The following ZFYVE28 variants were observed in gnomAD, a reference collection of about 807,000 sequenced individuals.
ZFYVE28 encodes the protein lateral signaling target protein 2 homolog.
In ZFYVE28, 40 loss-of-function variants were observed where a neutral mutation model predicts 82.1. The observed-to-expected ratio is 0.49, with a 90% CI of 0.38 to 0.63. The LOEUF is 0.63. Among genes scored for constraint, ZFYVE28 ranks in the 30% least tolerant of loss-of-function variants. The pLI, the probability that ZFYVE28 is intolerant of heterozygous loss-of-function variation, is 0.00. For synonymous variants in ZFYVE28, 612 were observed against 546.1 expected (o/e 1.12, Z -1.68); for missense variants, 1,321 against 1,242.1 (o/e 1.06, Z -0.96).
intron 9 of ZFYVE28, 137 bp downstream of exon 9, chr4:2,273,925 C>T: frequency 1.0e-6 from 1 of 988,690 alleles, no homozygotes. Context: ...AACAGGAGTG[C>T]TGGCTCCTTA....
chr4:2,273,743 C>A (rs780958478), intron 9 of ZFYVE28, among the ~76,000 whole-genome samples: 1 of 152,184 alleles, frequency 6.6e-6, no homozygotes, highest in African/African-American at 2.4e-5. Flanking sequence ...CAGCAGCCTA[C>A]GTGGCTGGGA....
chr4:2,297,649 C>T (rs149189628), intron 8 of ZFYVE28, among the ~76,000 whole-genome samples: 7 of 152,364 alleles, frequency 4.6e-5, no homozygotes, highest in Admixed American at 1.3e-4. Flanking sequence ...CAGCTGCAAG[C>T]GCAATCTGGG....
rs552801141 is a variant in ZFYVE28, at chr4:2,417,274, C to T, written c.39+1011G>A. On this transcript the variant is annotated intron_variant, in intron 1 of 12. Transcript: ENST00000290974. The surrounding 1 kb of genome is among the most constrained non-coding windows in gnomAD (Gnocchi z 4.8). ...CGCTGCGCCGGCCCCAGGGTGCCAC[C>T]CTCGGACGCCCAGATGCGCCCTGGA... Among the ~76,000 whole-genome samples, 13 of 152,292 alleles carry T rather than the reference C, an allele frequency of 8.5e-5. No homozygotes were observed. Among genetic ancestry groups the T allele is most frequent in the Admixed American group, 5.2e-4 (8 of 15,296 alleles).
intron 1 of ZFYVE28, chr4:2,364,868 T>C (rs1303841985): frequency 6.4e-5 from 63 of 985,266 alleles, no homozygotes; most frequent in Non-Finnish European, 7.2e-5. Flanking sequence ...CGCGGCAAAG[T>C]CGCGAGAGTA....
intron 1 of ZFYVE28, among the ~76,000 whole-genome samples, chr4:2,393,643 A>G (rs73072372): frequency 0.029 from 4,390 of 152,292 alleles, 244 homozygotes; most frequent in African/African-American, 0.1. Flanking sequence ...AAAGGACATC[A>G]TGCATATGCA....
At chr4:2,279,756 GACA>G (rs1711701195) in intron 8 of ZFYVE28, among the ~76,000 whole-genome samples, 1 of 148,782 alleles carries the variant, frequency 6.7e-6, no homozygotes, top group Admixed American at 6.7e-5. Flanking sequence ...ACTCCAGCCT[GACA>G]ACAGAGTGAG....
chr4:2,407,647 G>T (rs1419910763), intron 1 of ZFYVE28, among the ~76,000 whole-genome samples: 1 of 152,150 alleles, frequency 6.6e-6, no homozygotes, highest in Non-Finnish European at 1.5e-5. Context: ...CTGGAGTGTA[G>T]TGGCACGATC....
intron 1 of ZFYVE28, among the ~76,000 whole-genome samples, chr4:2,383,327 T>G (rs1728918276): frequency 6.6e-6 from 1 of 152,132 alleles, no homozygotes; most frequent in Non-Finnish European, 1.5e-5. Context: ...TCACGAGATC[T>G]GATGGTTTTA....
intron 1 of ZFYVE28, among the ~76,000 whole-genome samples, chr4:2,410,169 T>C (rs1732365057): frequency 6.6e-6 from 1 of 152,228 alleles, no homozygotes; most frequent in Non-Finnish European, 1.5e-5. Flanking sequence ...TGGCATTTAC[T>C]GCGTTCACAA....
At chr4:2,275,767 C>T (rs1736368612) in intron 8 of ZFYVE28, among the ~76,000 whole-genome samples, 2 of 152,278 alleles carry the variant, frequency 1.3e-5, no homozygotes, top group African/African-American at 4.8e-5. Flanking sequence ...GCTGTCTACA[C>T]TCTGGAGCCC....
chr4:2,299,747 A>G (rs59470020), intron 8 of ZFYVE28, among the ~76,000 whole-genome samples: 1,252 of 27,302 alleles, frequency 0.046, 19 homozygotes, highest in African/African-American at 0.16. Context: ...TGTTCAGTGG[A>G]AAAAAAAATA....
At chr4:2,283,902 C>G (rs1471886457) in intron 8 of ZFYVE28, among the ~76,000 whole-genome samples, 2 of 152,072 alleles carry the variant, frequency 1.3e-5, no homozygotes, top group African/African-American at 2.4e-5. Context: ...TGTAGGGAAC[C>G]CCCTGGTGAT....
chr4:2,354,101 A>G (rs763416845), intron 1 of ZFYVE28, 28 bp from the exon 2 acceptor site: 5 of 1,489,292 alleles, frequency 3.4e-6, no homozygotes, highest in African/African-American at 2.8e-5. Context: ...CAGGGCCATG[A>G]GTGGGTGGGG....
chr4:2,388,402 A>G (rs1453474892), intron 1 of ZFYVE28, among the ~76,000 whole-genome samples: 1 of 152,152 alleles, frequency 6.6e-6, no homozygotes, highest in Admixed American at 6.5e-5. Context: ...TATCAACAGC[A>G]CAACGAGGGC....
intron 2 of ZFYVE28, among the ~76,000 whole-genome samples, chr4:2,349,380 G>T (rs1186468477): frequency 8.8e-6 from 1 of 114,216 alleles, no homozygotes. Context: ...GGTGGGGGGA[G>T]GGGGGAGGGA....
intron 8 of ZFYVE28, among the ~76,000 whole-genome samples, chr4:2,293,719 C>G (rs1190285679): frequency 7.0e-6 from 1 of 143,290 alleles, no homozygotes; most frequent in Non-Finnish European, 1.5e-5. Flanking sequence ...CACCACTGCA[C>G]TCCAGCCTGG....
intron 8 of ZFYVE28, among the ~76,000 whole-genome samples, chr4:2,292,456 G>T (rs778331013): frequency 7.9e-5 from 12 of 152,178 alleles, no homozygotes; most frequent in Non-Finnish European, 1.8e-4. Context: ...GTTTGGCATG[G>T]ACAAGGGAAG....
intron 1 of ZFYVE28, among the ~76,000 whole-genome samples, chr4:2,415,671 A>G (rs1732967605): frequency 6.6e-6 from 1 of 152,180 alleles, no homozygotes; most frequent in African/African-American, 2.4e-5. Context: ...CAGGCCCAGA[A>G]TCTTCCCAGG....
chr4:2,368,484 C>G (rs1384336445), intron 1 of ZFYVE28, among the ~76,000 whole-genome samples: 1 of 149,168 alleles, frequency 6.7e-6, no homozygotes, highest in Non-Finnish European at 1.5e-5. Flanking sequence ...ATTTTCATCA[C>G]CTCCGGAAGA....
Sources: allele counts gnomAD v4.1 joint callset (sites outside exome capture counted in the v4.1 genomes callset), GRCh38; gene constraint gnomAD v4.1.1; non-coding constraint Gnocchi (gnomAD v3.1); transcripts MANE v1.5; gene names NCBI Gene and HGNC (gene_info 2026-07-23, HGNC 2026-07-21).